Variants in FUT8 observed in about 807,000 individuals in gnomAD.
The protein encoded by FUT8 is alpha-(1,6)-fucosyltransferase.
In FUT8, 29 loss-of-function variants were observed where a neutral mutation model predicts 71.3. The ratio of observed to expected loss-of-function variants is 0.41; its 90% confidence interval spans 0.30 to 0.55. The LOEUF (loss-of-function observed/expected upper bound fraction) is 0.55, where lower values mean the gene tolerates loss of function less well. Ranked by LOEUF, FUT8 falls within the 20% of genes least tolerant of loss-of-function variation. FUT8 has a pLI of 0.34. For synonymous variants in FUT8, 254 were observed against 239.3 expected, an observed-to-expected ratio of 1.06 and a Z score of -0.57; for missense variants, 544 against 702.1, an observed-to-expected ratio of 0.77 and a Z score of 2.55.
intron 2 of FUT8, among the ~76,000 whole-genome samples, chr14:65,530,810 T>G (rs1248675887): frequency 6.6e-6 from 1 of 150,740 alleles, no homozygotes. Context: ...TCTCTCTCGC[T>G]CTTTCTCTCT....
chr14:65,442,845 A>C (rs1234721077), intron 1 of FUT8, among the ~76,000 whole-genome samples: 2 of 150,962 alleles, frequency 1.3e-5, no homozygotes, highest in Non-Finnish European at 3.0e-5. Context: ...AAAAATTAAG[A>C]ATACAGTATA....
the FUT8 span, among the ~76,000 whole-genome samples, chr14:65,378,668 C>T: frequency 2.8e-4 from 43 of 152,086 alleles, no homozygotes; most frequent in South Asian, 7.9e-3. Flanking sequence ...CCTCATTTTC[C>T]GATGTTAGAA....
At chr14:65,383,265 C>CTTTTTTTTTTTTTT in the FUT8 span, among the ~76,000 whole-genome samples, 1 of 86,514 alleles carries the variant, frequency 1.2e-5, no homozygotes. Flanking sequence ...TTTTTCTTTT[C>CTTTTTTTTTTTTTT]TTTTTTTTTT....
Position 65,538,163 on chromosome 14 carries a change from C to T in FUT8, c.-227-23174C>T, listed in dbSNP as rs1244076781. Among the ~76,000 whole-genome samples, 4 of 152,288 alleles carry T rather than the reference C, an allele frequency of 2.6e-5. No individual in the cohort carries two copies. In the South Asian group the frequency reaches 8.3e-4, roughly 32 times the overall value. ...TGCTCCACTACAGATGCTCCCACAC[C>T]AAACCCTCTGGGCTCTATCCTTACC... On this transcript the variant is annotated intron_variant, in intron 2 of 10. Transcript: ENST00000673929.
At chr14:65,591,727 A>C (rs1415361771) in intron 3 of FUT8, among the ~76,000 whole-genome samples, 2 of 152,058 alleles carry the variant, frequency 1.3e-5, no homozygotes, top group Admixed American at 1.3e-4. Context: ...AGAATGCTTT[A>C]TGAAGGAGCT....
Position 65,467,965 on chromosome 14 carries a change from C to G in FUT8, c.-228+12247C>G. The stretch of plus-strand genomic sequence containing the variant: ...TTCTTTTTCCGATCATTTTCCTTTA[C>G]GTGTTTCAGGAAGCTATTTTGGCTC... On this transcript the variant is annotated intron_variant, in intron 2 of 10. Transcript: ENST00000673929. The surrounding 1 kb of genome is among the most constrained non-coding windows in gnomAD (Gnocchi z 4.1). The G allele has an allele frequency of 1.4e-6, 1 of 713,442 alleles. No individual in the cohort carries two copies. Among genetic ancestry groups the G allele is most frequent in the South Asian group, 1.4e-5 (1 of 70,816 alleles). The allele number at this position is 713,442 out of a possible 1,614,324, so 44.2% of individuals were successfully genotyped here. A position where few individuals can be genotyped will look rare whatever the true frequency, so the allele number is the denominator to read the frequency against.
rs571599487 is a variant in FUT8, at chr14:65,516,620, A to G, written c.-227-44717A>G. On this transcript the variant is annotated intron_variant, in intron 2 of 10. Coordinates refer to ENST00000673929, the MANE Select transcript of FUT8 (RefSeq NM_001371533.1). ...TTATTTTTGTAACTATTTTATTAAT[A>G]ATTTAATGTTAACTACTAGAAGTCT... 2.0e-5 allele frequency among the ~76,000 whole-genome samples: 3 copies of G among 152,322 alleles called. No individual in the cohort carries two copies. The South Asian group carries it at 6.2e-4, about 32-fold the overall frequency.
chr14:65,428,910 TTAGA>T (rs2065427744), intron 1 of FUT8, among the ~76,000 whole-genome samples: 1 of 152,082 alleles, frequency 6.6e-6, no homozygotes, highest in African/African-American at 2.4e-5. Context: ...TCAAGTGGGG[TTAGA>T]TAGTTTTTCA....
the FUT8 span, among the ~76,000 whole-genome samples, chr14:65,395,980 C>T: frequency 6.6e-6 from 1 of 152,222 alleles, no homozygotes. Context: ...CAAAGTTCCA[C>T]AAGTCTCTAG....
At chr14:65,470,154 G>T (rs2139629268) in intron 2 of FUT8, among the ~76,000 whole-genome samples, 1 of 152,336 alleles carries the variant, frequency 6.6e-6, no homozygotes, top group South Asian at 2.1e-4. Context: ...TATCCTGTTG[G>T]GCTGTGATGA....
intron 7 of FUT8, among the ~76,000 whole-genome samples, chr14:65,697,029 C>G (rs1894030889): frequency 6.6e-6 from 1 of 152,138 alleles, no homozygotes; most frequent in Non-Finnish European, 1.5e-5. Flanking sequence ...CTTGCAAACT[C>G]TCTGTAATAT....
At chr14:65,519,100 G>T (rs138116263) in intron 2 of FUT8, among the ~76,000 whole-genome samples, 3 of 152,078 alleles carry the variant, frequency 2.0e-5, no homozygotes, top group African/African-American at 7.2e-5. Flanking sequence ...TGTAATAGGC[G>T]CTTAAAAATA....
At chr14:65,723,404 A>T (rs1895524178) in intron 8 of FUT8, among the ~76,000 whole-genome samples, 1 of 152,198 alleles carries the variant, frequency 6.6e-6, no homozygotes, top group South Asian at 2.1e-4. Flanking sequence ...CTTATTCAGT[A>T]CAGGGAAGTG....
chr14:65,654,370 C>G lies in FUT8; in HGVS notation c.598-14873C>G, dbSNP rs531913723. On this transcript the variant is annotated intron_variant, in intron 6 of 10. Coordinates refer to ENST00000673929, the MANE Select transcript of FUT8 (RefSeq NM_001371533.1). ...CTGGAAGGCCAAGGCAGGCGGATCA[C>G]CTGAGGTCAGGAGTTGGAGACCAGC... 1.6e-4 allele frequency among the ~76,000 whole-genome samples: 24 copies of G among 152,268 alleles called. 1 individual carries two copies. In the South Asian group the frequency reaches 5.0e-3, roughly 32 times the overall value.
At position 65,556,547 on chromosome 14, in the gene FUT8, C is replaced by A. The variant is rs78341868; in HGVS notation, c.-227-4790C>A. Among the ~76,000 whole-genome samples, 758 of 152,270 alleles carry A rather than the reference C, an allele frequency of 5.0e-3. 8 individuals are homozygous for A. The highest frequency in any genetic ancestry group is 0.017 in the African/African-American group (720 of 41,568). ...GGACAATGTGAGCAAGACACAGAAG[C>A]TCCAGTCTTTTGTAACCTTATCTTG... On this transcript the variant is annotated intron_variant, in intron 2 of 10. Transcript: ENST00000673929.
Position 65,510,702 on chromosome 14 carries a change from A to G in FUT8, c.-227-50635A>G, listed in dbSNP as rs1469360750. ...TTGTCTATTTCTTCTAAGTTTTCCA[A>G]TTTATTGGCATATATTTGCTAGTAG... On this transcript the variant is annotated intron_variant, in intron 2 of 10. Coordinates refer to ENST00000673929, the MANE Select transcript of FUT8 (RefSeq NM_001371533.1). Among the ~76,000 whole-genome samples, 8 of 152,014 alleles carry G rather than the reference A, an allele frequency of 5.3e-5. No individual in the cohort carries two copies. In the East Asian group the frequency reaches 9.6e-4, roughly 18 times the overall value.
At chr14:65,680,273 A>G (rs1449083789) in intron 7 of FUT8, among the ~76,000 whole-genome samples, 1 of 152,218 alleles carries the variant, frequency 6.6e-6, no homozygotes, top group Non-Finnish European at 1.5e-5. Context: ...CAGTGGCAGA[A>G]GACAGATGAC....
At chr14:65,538,915 T>C (rs1385946642) in intron 2 of FUT8, among the ~76,000 whole-genome samples, 9 of 152,040 alleles carry the variant, frequency 5.9e-5, no homozygotes, top group Admixed American at 5.2e-4. Flanking sequence ...AGCAAGACTC[T>C]GTCTCAAAAA....
chr14:65,617,019 T>G (rs1321416608), intron 5 of FUT8: 3 of 1,506,228 alleles, frequency 2.0e-6, no homozygotes, highest in African/African-American at 1.4e-5. Flanking sequence ...AAAATGTATC[T>G]GAAAATCATT....
Sources: gnomAD v4.1 joint callset for allele counts (sites outside exome capture counted in the v4.1 genomes callset) on GRCh38, gnomAD v4.1.1 for gene constraint, Gnocchi (gnomAD v3.1) non-coding constraint, MANE v1.5 for transcripts, NCBI Gene and HGNC (gene_info 2026-07-23, HGNC 2026-07-21) for gene names.